Variants in NRG3 observed in about 807,000 individuals in gnomAD.
The protein encoded by NRG3 is pro-neuregulin-3, membrane-bound isoform.
In NRG3, 31 loss-of-function variants were observed where a neutral mutation model predicts 66.9. That is an observed-to-expected ratio of 0.46 (90% confidence interval 0.35 to 0.63). The LOEUF (loss-of-function observed/expected upper bound fraction) is 0.63. Ranked by LOEUF, NRG3 falls within the 20% of genes least tolerant of loss-of-function variation. NRG3 has a pLI of 0.00. For synonymous variants in NRG3, 393 were observed against 359.4 expected, an observed-to-expected ratio of 1.09 and a Z score of -1.06; for missense variants, 910 against 878.9, an observed-to-expected ratio of 1.04 and a Z score of -0.45.
intron 3 of NRG3, among the ~76,000 whole-genome samples, chr10:82,825,396 A>G (rs564515925): frequency 1.3e-5 from 2 of 152,288 alleles, no homozygotes; most frequent in African/African-American, 4.8e-5. Flanking sequence ...GCTCCCAAGT[A>G]CACTACCCAA....
chr10:82,114,292 A>G (rs527366261), intron 1 of NRG3, among the ~76,000 whole-genome samples: 4 of 152,216 alleles, frequency 2.6e-5, no homozygotes, highest in South Asian at 4.1e-4. Context: ...TAGTGTGCCA[A>G]TTTCTTTGTG....
At chr10:82,787,386 G>A (rs759274458) in intron 3 of NRG3, among the ~76,000 whole-genome samples, 6 of 152,122 alleles carry the variant, frequency 3.9e-5, no homozygotes, top group Non-Finnish European at 7.3e-5. Context: ...AACTCTAGGC[G>A]ATCATATCAT....
At chr10:82,102,155 T>TTC in intron 1 of NRG3, among the ~76,000 whole-genome samples, 1 of 125,162 alleles carries the variant, frequency 8.0e-6, no homozygotes, top group South Asian at 2.5e-4. Context: ...TATATATATA[T>TTC]ATATATATAT....
At chr10:82,003,799 A>G (rs1338709933) in intron 1 of NRG3, among the ~76,000 whole-genome samples, 1 of 152,116 alleles carries the variant, frequency 6.6e-6, no homozygotes, top group Non-Finnish European at 1.5e-5. Context: ...TAAGGGCAGC[A>G]GAGAAATAGC....
At chr10:82,923,873 G>A (rs1365014860) in intron 4 of NRG3, among the ~76,000 whole-genome samples, 4 of 151,804 alleles carry the variant, frequency 2.6e-5, no homozygotes. Context: ...CAGGTGGGCG[G>A]GTTGCTTGAG....
intron 3 of NRG3, among the ~76,000 whole-genome samples, chr10:82,839,914 A>G (rs771896018): frequency 1.8e-4 from 28 of 152,144 alleles, no homozygotes; most frequent in Admixed American, 4.6e-4. Flanking sequence ...CCAAGAATGT[A>G]CAGATATCTC....
At chr10:82,942,616 G>A (rs960874525) in intron 4 of NRG3, among the ~76,000 whole-genome samples, 1 of 152,218 alleles carries the variant, frequency 6.6e-6, no homozygotes, top group Non-Finnish European at 1.5e-5. Flanking sequence ...GAACAGTGGA[G>A]AGAATCTTTT....
At chr10:82,897,120 A>G (rs1843727993) in intron 4 of NRG3, among the ~76,000 whole-genome samples, 1 of 152,248 alleles carries the variant, frequency 6.6e-6, no homozygotes, top group Non-Finnish European at 1.5e-5. Context: ...GAAGCAAAAT[A>G]GAGACTTAAA....
At position 82,395,350 on chromosome 10, in the gene NRG3, C is replaced by A. The variant is rs184073429; in HGVS notation, c.953+36482C>A. Among the ~76,000 whole-genome samples, 51 of 152,250 alleles carry A rather than the reference C, an allele frequency of 3.3e-4. No homozygotes were observed. The East Asian group carries it at 8.7e-3, about 26-fold the overall frequency. On this transcript the variant is annotated intron_variant, in intron 2 of 8. Transcript: ENST00000372141. ...CACACAGAAAATTATACAACCAATT[C>A]TTTCAGGCACTCCACCAAGCACATT...
At chr10:82,534,347 T>C (rs1246795093) in intron 2 of NRG3, among the ~76,000 whole-genome samples, 1 of 151,840 alleles carries the variant, frequency 6.6e-6, no homozygotes, top group Non-Finnish European at 1.5e-5. Flanking sequence ...CGCTGCAACC[T>C]CCGCGCTCCC....
chr10:82,315,672 T>G (rs1252214531), intron 1 of NRG3, among the ~76,000 whole-genome samples: 1 of 150,224 alleles, frequency 6.7e-6, no homozygotes, highest in East Asian at 1.9e-4. Flanking sequence ...TTGTTGTTTT[T>G]TTTTTTTTTT....
chr10:82,646,314 G>C (rs1047094519), intron 2 of NRG3, among the ~76,000 whole-genome samples: 6 of 152,138 alleles, frequency 3.9e-5, no homozygotes, highest in Non-Finnish European at 7.4e-5. Flanking sequence ...AAATATGTGA[G>C]AGCAGAGTGA....
chr10:81,976,161 C>G (rs773838775), intron 1 of NRG3, among the ~76,000 whole-genome samples: 1 of 152,084 alleles, frequency 6.6e-6, no homozygotes, highest in Non-Finnish European at 1.5e-5. Context: ...CTAATATACC[C>G]ACTTGAGGGG....
At chr10:82,502,084 A>G (rs1276682205) in intron 2 of NRG3, among the ~76,000 whole-genome samples, 2 of 152,224 alleles carry the variant, frequency 1.3e-5, no homozygotes, top group East Asian at 1.9e-4. Flanking sequence ...TTTGAATGCT[A>G]TGGGTGAGAT....
rs542335052 is a variant in NRG3 at position 82,727,978 on chromosome 10, G to T, written c.954-10599G>T. ...GACTGCCCTGCTGGATTTTGGACTTGCATGGGACCTGTAGCCCCTTCATTT... is the reference window on the plus strand; with the variant it reads ...GACTGCCCTGCTGGATTTTGGACTTTCATGGGACCTGTAGCCCCTTCATTT... On this transcript the variant is annotated intron_variant, in intron 2 of 8. Coordinates refer to ENST00000372141, the MANE Select transcript of NRG3 (RefSeq NM_001010848.4). Among the ~76,000 whole-genome samples the T allele has an allele frequency of 3.9e-5, 6 of 152,248 alleles. No individual in the cohort carries two copies. The East Asian group carries it at 7.8e-4, about 20-fold the overall frequency.
intron 1 of NRG3, among the ~76,000 whole-genome samples, chr10:82,075,962 A>AC (rs1288334473): frequency 6.6e-6 from 1 of 151,886 alleles, no homozygotes; most frequent in Non-Finnish European, 1.5e-5. Context: ...GTTAAAAAAA[A>AC]AAACGATCAT....
Position 81,964,992 on chromosome 10 carries a change from TA to T in NRG3, c.823+88833del, listed in dbSNP as rs1244375365. Among the ~76,000 whole-genome samples, 3 of 152,220 alleles carry T rather than the reference TA, an allele frequency of 2.0e-5. No homozygotes were observed. In the East Asian group the frequency reaches 5.8e-4, roughly 29 times the overall value. On this transcript the variant is annotated intron_variant, in intron 1 of 8. Coordinates refer to ENST00000372141, the MANE Select transcript of NRG3 (RefSeq NM_001010848.4). ...ATTTTATTCTTGGGCCCAAACATAT[TA>T]AAATGTAACATTTACCCATTTAATA...
chr10:82,839,795 A>G (rs1181795883), intron 3 of NRG3, among the ~76,000 whole-genome samples: 1 of 152,036 alleles, frequency 6.6e-6, no homozygotes. Context: ...ACCAAAATAA[A>G]TGTTACTCCA....
intron 3 of NRG3, among the ~76,000 whole-genome samples, chr10:82,844,539 A>AT (rs2063215553): frequency 6.6e-6 from 1 of 152,118 alleles, no homozygotes. Context: ...ACTTACCCTT[A>AT]TTGAGATTCA....
Sources: gnomAD v4.1 joint callset for allele counts (sites outside exome capture counted in the v4.1 genomes callset) on GRCh38, gnomAD v4.1.1 for gene constraint, MANE v1.5 for transcripts, NCBI Gene and HGNC (gene_info 2026-07-23, HGNC 2026-07-21) for gene names.